The following LINGO2 variants were observed in gnomAD, a reference collection of about 807,000 sequenced individuals.
The protein encoded by LINGO2 is leucine-rich repeat and immunoglobulin-like domain-containing nogo receptor-interacting protein 2.
A neutral mutation model predicts 30.6 loss-of-function variants in LINGO2; 14 were observed. The observed-to-expected ratio is 0.46, with a 90% CI of 0.30 to 0.72. LINGO2 has a LOEUF of 0.72. LINGO2 is among the 30% of genes least tolerant of loss of function. The pLI, the probability that LINGO2 is intolerant of heterozygous loss-of-function variation, is 0.07. For missense variants in LINGO2, 729 were observed against 751.7 expected, an observed-to-expected ratio of 0.97 and a Z score of 0.35; for synonymous variants, 317 against 288.5, an observed-to-expected ratio of 1.10 and a Z score of -1.00.
chr9:28,857,888 T>C, the LINGO2 span, among the ~76,000 whole-genome samples: 19 of 152,124 alleles, frequency 1.2e-4, no homozygotes, highest in African/African-American at 4.1e-4. Context: ...TTTCACCTAT[T>C]TCTTTTAATT....
At chr9:28,899,535 T>C in the LINGO2 span, among the ~76,000 whole-genome samples, 4 of 152,220 alleles carry the variant, frequency 2.6e-5, no homozygotes, top group South Asian at 2.1e-4. Context: ...AGCAACTTGC[T>C]AGCCTTTGCT....
intron 5 of LINGO2, among the ~76,000 whole-genome samples, chr9:27,979,416 A>C (rs1820752094): frequency 6.6e-6 from 1 of 151,972 alleles, no homozygotes; most frequent in African/African-American, 2.4e-5. Context: ...TCACTGCTTC[A>C]CTTGGTGATC....
At chr9:28,457,404 A>G (rs777789640) in intron 2 of LINGO2, among the ~76,000 whole-genome samples, 19 of 151,984 alleles carry the variant, frequency 1.3e-4, no homozygotes. Flanking sequence ...TCACCATGTC[A>G]CAAAGAAAGT....
At chr9:28,345,754 C>T (rs1819539989) in intron 3 of LINGO2, among the ~76,000 whole-genome samples, 1 of 152,166 alleles carries the variant, frequency 6.6e-6, no homozygotes, top group Non-Finnish European at 1.5e-5. Context: ...GTGGCCTACA[C>T]ACGTGGCTCA....
At chr9:27,997,218 G>A (rs1460489733) in intron 5 of LINGO2, among the ~76,000 whole-genome samples, 1 of 152,126 alleles carries the variant, frequency 6.6e-6, no homozygotes, top group Non-Finnish European at 1.5e-5. Flanking sequence ...TCAAGGTCTG[G>A]GCTAATTACC....
intron 4 of LINGO2, among the ~76,000 whole-genome samples, chr9:28,280,717 G>T (rs1159949586): frequency 6.6e-6 from 1 of 152,068 alleles, no homozygotes; most frequent in African/African-American, 2.4e-5. Context: ...AGTACTCATG[G>T]TACTGTTACC....
At chr9:28,349,203 G>C (rs1370238139) in intron 3 of LINGO2, among the ~76,000 whole-genome samples, 2 of 152,108 alleles carry the variant, frequency 1.3e-5, no homozygotes, top group Admixed American at 6.5e-5. Context: ...ATTATTCTGA[G>C]CTACGGGAGG....
chr9:28,239,959 T>C (rs796488797), intron 4 of LINGO2, among the ~76,000 whole-genome samples: 14 of 152,146 alleles, frequency 9.2e-5, no homozygotes, highest in African/African-American at 3.4e-4. Context: ...AATCGTCATA[T>C]AAAAATTAGC....
chr9:28,552,681 G>T, intron 1 of LINGO2, among the ~76,000 whole-genome samples: 1 of 145,450 alleles, frequency 6.9e-6, no homozygotes, highest in African/African-American at 2.5e-5. Flanking sequence ...TATATTTTCT[G>T]TTTTCTCCTT....
At chr9:28,307,954 T>C (rs932256075) in intron 3 of LINGO2, among the ~76,000 whole-genome samples, 34 of 151,886 alleles carry the variant, frequency 2.2e-4, no homozygotes, top group Non-Finnish European at 3.8e-4. Context: ...TGGAAGAACA[T>C]TCCATGCTCA....
intron 4 of LINGO2, among the ~76,000 whole-genome samples, chr9:28,043,854 C>T (rs773001948): frequency 1.3e-5 from 2 of 152,132 alleles, no homozygotes; most frequent in Non-Finnish European, 2.9e-5. Flanking sequence ...ACAATAATTC[C>T]CTATAATCAA....
intron 1 of LINGO2, among the ~76,000 whole-genome samples, chr9:28,490,935 T>C (rs1021824965): frequency 9.2e-5 from 14 of 152,164 alleles, no homozygotes; most frequent in African/African-American, 3.4e-4. Flanking sequence ...TATTTGTAAA[T>C]GTTAAAATCT....
At chr9:28,758,821 C>T in the LINGO2 span, among the ~76,000 whole-genome samples, 1 of 152,028 alleles carries the variant, frequency 6.6e-6, no homozygotes, top group Non-Finnish European at 1.5e-5. Flanking sequence ...TTAGTTGTTA[C>T]TTATGTAATA....
At chr9:29,036,424 T>C in the LINGO2 span, among the ~76,000 whole-genome samples, 28 of 152,114 alleles carry the variant, frequency 1.8e-4, no homozygotes, top group African/African-American at 5.5e-4. Context: ...AAATAATGAA[T>C]CATTGTAGTA....
intron 1 of LINGO2, among the ~76,000 whole-genome samples, chr9:28,617,331 T>C (rs1368199034): frequency 6.6e-6 from 1 of 151,918 alleles, no homozygotes; most frequent in Non-Finnish European, 1.5e-5. Context: ...AGTCTCGCTC[T>C]GTCGCCCAGG....
intron 3 of LINGO2, among the ~76,000 whole-genome samples, chr9:28,340,097 T>C (rs145735046): frequency 2.1e-4 from 32 of 152,262 alleles, no homozygotes; most frequent in African/African-American, 6.5e-4. Context: ...TCAGGAGGAA[T>C]AGAATGATAG....
the LINGO2 span, among the ~76,000 whole-genome samples, chr9:28,899,819 T>C: frequency 6.6e-6 from 1 of 152,156 alleles, no homozygotes; most frequent in African/African-American, 2.4e-5. Flanking sequence ...GCCAGGCTGT[T>C]CCCTGTTGCC....
At chr9:28,880,195 G>T in the LINGO2 span, among the ~76,000 whole-genome samples, 3 of 152,126 alleles carry the variant, frequency 2.0e-5, no homozygotes, top group Non-Finnish European at 1.5e-5. Flanking sequence ...TGCAACCTCC[G>T]CCTCCCAGGT....
At chr9:28,764,373 TACC>T in the LINGO2 span, among the ~76,000 whole-genome samples, 1 of 151,968 alleles carries the variant, frequency 6.6e-6, no homozygotes, top group Non-Finnish European at 1.5e-5. Flanking sequence ...CAATGTGATA[TACC>T]ACATTATCAG....
Sources: allele counts gnomAD v4.1 joint callset (sites outside exome capture counted in the v4.1 genomes callset), GRCh38; gene constraint gnomAD v4.1.1; transcripts MANE v1.5; gene names NCBI Gene and HGNC (gene_info 2026-07-23, HGNC 2026-07-21).